Variants in NHSL3 observed in about 807,000 individuals in gnomAD.
NHSL3 encodes NHS like 3.
At chr1:32,767,797 G>A in the NHSL3 span, 2 of 1,610,558 alleles carry the variant, frequency 1.2e-6, no homozygotes, top group Non-Finnish European at 8.5e-7. Flanking sequence ...GCTCTGCCAA[G>A]GCTGAGAATG....
the NHSL3 span, chr1:32,772,898 C>T: frequency 7.4e-6 from 12 of 1,613,858 alleles, no homozygotes; most frequent in South Asian, 3.3e-5. Flanking sequence ...CCACCAGGCA[C>T]CTCACTGGCA....
chr1:32,746,546 G>A, the NHSL3 span, among the ~76,000 whole-genome samples: 1 of 152,214 alleles, frequency 6.6e-6, no homozygotes, highest in African/African-American at 2.4e-5. Context: ...AACCTGGGAG[G>A]TGGACAGTTA....
chr1:32,760,347 C>T, the NHSL3 span, among the ~76,000 whole-genome samples: 1 of 152,224 alleles, frequency 6.6e-6, no homozygotes. Context: ...GAGGCCTCAC[C>T]CCATGGAGGA....
chr1:32,772,054 G>C, the NHSL3 span: 3 of 1,609,588 alleles, frequency 1.9e-6, no homozygotes, highest in East Asian at 4.5e-5. Flanking sequence ...GCCTGAGGCA[G>C]AGCCACGGCC....
At chr1:32,769,916 G>T in the NHSL3 span, 2 of 1,608,076 alleles carry the variant, frequency 1.2e-6, no homozygotes, top group African/African-American at 1.3e-5. Context: ...GGCACGCCCC[G>T]GGCTCCTGGT....
At chr1:32,754,201 G>T in the NHSL3 span, 1 of 708,578 alleles carries the variant, frequency 1.4e-6, no homozygotes, top group East Asian at 2.7e-5. Context: ...GGGTGGGGGC[G>T]GGGCAGGCAG....
chr1:32,754,237 C>T, the NHSL3 span: 1 of 697,732 alleles, frequency 1.4e-6, no homozygotes, highest in African/African-American at 1.8e-5. Context: ...CTGCGGTCGT[C>T]GCCACCGCTG....
the NHSL3 span, among the ~76,000 whole-genome samples, chr1:32,764,471 CTTTTTTT>C: frequency 7.0e-6 from 1 of 142,380 alleles, no homozygotes; most frequent in Non-Finnish European, 1.5e-5. Context: ...TTGTTTTTTT[CTTTTTTT>C]TTTTTTTGAA....
chr1:32,762,014 A>T, the NHSL3 span, among the ~76,000 whole-genome samples: 1 of 152,196 alleles, frequency 6.6e-6, no homozygotes, highest in Middle Eastern at 3.2e-3. Flanking sequence ...TACACCATGG[A>T]GGCCAGAGAG....
the NHSL3 span, among the ~76,000 whole-genome samples, chr1:32,760,971 A>T: frequency 6.6e-6 from 1 of 151,984 alleles, no homozygotes; most frequent in African/African-American, 2.4e-5. Context: ...CTGCCCTGGT[A>T]AACTGTCTCT....
At chr1:32,765,782 G>A in the NHSL3 span, 7 of 1,547,668 alleles carry the variant, frequency 4.5e-6, no homozygotes, top group Non-Finnish European at 6.1e-6. Context: ...GGTGGTGTTC[G>A]TTGGCCGCCG....
chr1:32,756,477 C>CCA, the NHSL3 span, among the ~76,000 whole-genome samples: 31 of 110,878 alleles, frequency 2.8e-4, 2 homozygotes, highest in Non-Finnish European at 4.9e-4. Flanking sequence ...GAGACCCCCC[C>CCA]CCCCCGCCCA....
chr1:32,763,839 G>C, the NHSL3 span, among the ~76,000 whole-genome samples: 2 of 152,156 alleles, frequency 1.3e-5, no homozygotes, highest in Non-Finnish European at 2.9e-5. Context: ...CTCCCAAAGT[G>C]CTGGGATTAC....
At chr1:32,744,053 G>A in the NHSL3 span, among the ~76,000 whole-genome samples, 4 of 152,284 alleles carry the variant, frequency 2.6e-5, no homozygotes, top group South Asian at 8.3e-4. Context: ...CACTGGCAAC[G>A]CTGGCCAGGA....
chr1:32,765,707 C>T, the NHSL3 span: 2 of 1,542,734 alleles, frequency 1.3e-6, no homozygotes, highest in Middle Eastern at 1.7e-4. Flanking sequence ...TGAAGGTACG[C>T]CCCGCGCTCT....
At chr1:32,758,829 T>A in the NHSL3 span, among the ~76,000 whole-genome samples, 1 of 151,924 alleles carries the variant, frequency 6.6e-6, no homozygotes, top group African/African-American at 2.4e-5. Flanking sequence ...AAATGAAAGC[T>A]CCAACCTAGG....
the NHSL3 span, among the ~76,000 whole-genome samples, chr1:32,755,112 C>A: frequency 6.6e-6 from 1 of 152,178 alleles, no homozygotes. Flanking sequence ...ATTCCTGTTT[C>A]CCCCAACAAG....
the NHSL3 span, among the ~76,000 whole-genome samples, chr1:32,763,442 C>G: frequency 6.6e-6 from 1 of 152,186 alleles, no homozygotes; most frequent in Non-Finnish European, 1.5e-5. Context: ...CCTTGAAATC[C>G]ACCACTCCTG....
chr1:32,754,089 A>C, the NHSL3 span: 1 of 669,840 alleles, frequency 1.5e-6, no homozygotes, highest in Non-Finnish European at 2.7e-6. Context: ...CCGCACCCGC[A>C]ATGGGGAACT....
Sources: gnomAD v4.1 joint callset for allele counts (sites outside exome capture counted in the v4.1 genomes callset) on GRCh38, gnomAD v4.1.1 for gene constraint, MANE v1.5 for transcripts, NCBI Gene and HGNC (gene_info 2026-07-23, HGNC 2026-07-21) for gene names.